The following SREBF2 variants were observed in gnomAD, a reference collection of about 807,000 sequenced individuals.
The protein encoded by SREBF2 is sterol regulatory element binding transcription factor 2.
A neutral mutation model predicts 113.1 loss-of-function variants in SREBF2; 55 were observed. The ratio of observed to expected loss-of-function variants is 0.49; its 90% confidence interval spans 0.39 to 0.61. SREBF2 has a LOEUF of 0.61. Ranked by LOEUF, SREBF2 falls within the 20% of genes least tolerant of loss-of-function variation. SREBF2 has a pLI of 0.00. For missense variants in SREBF2, 1,349 were observed against 1,487.4 expected (o/e 0.91, Z 1.53); for synonymous variants, 593 against 605.7 (o/e 0.98, Z 0.31).
rs761890256 is a variant in SREBF2 at position 41,898,733 on chromosome 22, C to T, written c.2690C>T (p.Ser897Phe). The change falls in exon 15 of 19, where the codon TCT becomes TTT. Residue 897 changes from serine to phenylalanine, a missense_variant. By Grantham distance (155) the Ser-to-Phe change is radical. This residue lies in a region of SREBF2 where 650 missense variants were observed against 644.1 expected (regional missense o/e 1.01). Transcript: ENST00000361204. ...WLQGDDAAVR[S>F]HFTKVERIPK... ...CAGGGAGACGATGCAGCTGTGCGCTCTCATTTTACCAAAGTGGAACGCATC... is the reference window on the plus strand; with the variant it reads ...CAGGGAGACGATGCAGCTGTGCGCTTTCATTTTACCAAAGTGGAACGCATC... 59 of 1,614,012 alleles carry T rather than the reference C, an allele frequency of 3.7e-5. 2 individuals are homozygous for T. The South Asian group carries it at 6.1e-4, about 17-fold the overall frequency.
At chr22:41,900,000 T>C (rs762124857) in intron 15 of SREBF2, 1 of 1,256,578 alleles carries the variant, frequency 8.0e-7, no homozygotes, top group Non-Finnish European at 1.0e-6. Context: ...GTACAACACC[T>C]TATTGTGGCC....
intron 1 of SREBF2, among the ~76,000 whole-genome samples, chr22:41,837,125 G>A (rs1026188158): frequency 6.6e-5 from 10 of 152,188 alleles, no homozygotes; most frequent in Admixed American, 6.5e-4. Context: ...GGCACTGTGA[G>A]CAAAATAAAA....
At chr22:41,867,782 A>G (rs576939826) in intron 2 of SREBF2, among the ~76,000 whole-genome samples, 14 of 151,886 alleles carry the variant, frequency 9.2e-5, no homozygotes, top group Non-Finnish European at 1.6e-4. Context: ...ACTCCAGCCT[A>G]GGCAACAGAG....
At chr22:41,878,150 T>A in intron 9 of SREBF2, 27 bp downstream of exon 9, 7 of 1,612,562 alleles carry the variant, frequency 4.3e-6, no homozygotes, top group Non-Finnish European at 5.9e-6. Context: ...CCCTTCCCCA[T>A]CCTCCCCCAG....
chr22:41,840,431 G>A lies in SREBF2; in HGVS notation c.88+7073G>A, dbSNP rs897787176. 1.0e-4 allele frequency among the ~76,000 whole-genome samples: 15 copies of A among 144,490 alleles called. No individual in the cohort carries two copies. The Admixed American group carries it at 1.1e-3, about 11-fold the overall frequency. The allele number at this position is 144,490 out of a possible 152,430, so 94.8% of individuals were successfully genotyped here. On this transcript the variant is annotated intron_variant, in intron 1 of 18. Transcript: ENST00000361204. ...CCTAACCATCACCCTTGGGGGCAAT[G>A]TTGAAGCTCTTCTTTCCCAGTTCTT... is the stretch of plus-strand genomic sequence containing the variant.
chr22:41,878,588 A>C (rs1358582948), intron 9 of SREBF2: 3 of 1,061,118 alleles, frequency 2.8e-6, no homozygotes, highest in Non-Finnish European at 3.9e-6. Context: ...CTTTATTCCC[A>C]ATTCTCTATA....
chr22:41,901,459 G>A (rs148975499), intron 16 of SREBF2, among the ~76,000 whole-genome samples: 4,353 of 152,252 alleles, frequency 0.029, 191 homozygotes, highest in African/African-American at 0.099. Flanking sequence ...TCAGGAGTTC[G>A]AGACCAGCCT....
At chr22:41,861,348 G>A (rs1253143831) in intron 1 of SREBF2, among the ~76,000 whole-genome samples, 1 of 152,110 alleles carries the variant, frequency 6.6e-6, no homozygotes, top group Non-Finnish European at 1.5e-5. Flanking sequence ...TGGGCATGGT[G>A]GCACGCACCT....
intron 11 of SREBF2, among the ~76,000 whole-genome samples, chr22:41,889,118 C>T (rs2148406380): frequency 6.6e-6 from 1 of 152,236 alleles, no homozygotes; most frequent in South Asian, 2.1e-4. Context: ...AAAAGAAATA[C>T]CTAACGGTTC....
chr22:41,880,088 G>A (rs993004728), intron 9 of SREBF2, among the ~76,000 whole-genome samples: 3 of 152,178 alleles, frequency 2.0e-5, no homozygotes, highest in African/African-American at 7.2e-5. Flanking sequence ...CTAGAGGGCT[G>A]CAATACCAGA....
In SREBF2 at chr22:41,870,822, T is replaced by G. The variant is rs966642841; in HGVS notation, c.721-67T>G. ...ATTCTTTCTTGGAAGGTCTATGCAG[T>G]AAGAAAGGAATGCATAACAGAAGGA... On this transcript the variant is annotated intron_variant, in intron 3 of 18. Coordinates refer to ENST00000361204, the MANE Select transcript of SREBF2 (RefSeq NM_004599.4). The G allele has an allele frequency of 5.7e-6, 9 of 1,581,644 alleles. No homozygotes were observed. The African/African-American group carries it at 1.2e-4, about 21-fold the overall frequency.
In SREBF2 at chr22:41,898,660, A is replaced by G. The variant is rs375253567; in HGVS notation, c.2617A>G (p.Ile873Val). ...VLKSALGPDI[I>V]CRWWTSAITV... ...CTGTTCTCCTCTAGGTCCAGACATCATCTGTCGGTGGTGGACGTCTGCAAT... is the reference window on the plus strand; with the variant it reads ...CTGTTCTCCTCTAGGTCCAGACATCGTCTGTCGGTGGTGGACGTCTGCAAT... Residue 873 changes from isoleucine (I) to valine (V), a missense_variant, in exon 15 of 19, where the codon ATC (isoleucine) becomes GTC (valine). Physicochemically the swap from Ile to Val is conservative, Grantham distance 29. Transcript: ENST00000361204. The G allele has an allele frequency of 1.9e-4, 312 of 1,613,220 alleles. No individual in the cohort carries two copies. The highest frequency in any genetic ancestry group is 2.5e-4 in the Non-Finnish European group (296 of 1,179,772).
rs550133724 is a variant in SREBF2, at chr22:41,878,634, G to A, written c.1761+511G>A. On this transcript the variant is annotated intron_variant, in intron 9 of 18. Transcript: ENST00000361204. ...AGGTTTTTGAGCAGGAAAACTAGCT[G>A]AAAGTTTTCATTTGAAATCAACAGG... 3.2e-5 allele frequency: 41 copies of A among 1,291,562 alleles called. No homozygotes were observed. The South Asian group carries it at 5.1e-4, about 16-fold the overall frequency. 80.0% of individuals were successfully genotyped at this position (1,291,562 alleles called of 1,614,324 possible).
In SREBF2 at chr22:41,837,555, C is replaced by CT. The variant is rs1299341570; in HGVS notation, c.88+4198dup. On this transcript the variant is annotated intron_variant, in intron 1 of 18. Coordinates refer to ENST00000361204, the MANE Select transcript of SREBF2 (RefSeq NM_004599.4). The stretch of plus-strand genomic sequence containing the variant: ...CCTAGGCAACAGAATGAGACTCTGT[C>CT]TAAAAAAAAAAAAAAAAAAAATGCT... Among the ~76,000 whole-genome samples, 84 of 98,378 alleles carry CT rather than the reference C, an allele frequency of 8.5e-4. 2 individuals carry two copies. The highest frequency in any genetic ancestry group is 3.6e-3 in the African/African-American group (79 of 21,806). The allele number at this position is 98,378 out of a possible 152,430, so 64.5% of individuals were successfully genotyped here.
chr22:41,868,801 C>G lies in SREBF2; in HGVS notation c.720+9C>G, dbSNP rs1437741989. On this transcript the variant is annotated intron_variant, in intron 3 of 18. Transcript: ENST00000361204. ...AGGTGCAGCAGGTCCCGGTAAGTGG[C>G]TGGAAAGGATTCAGGGAGGCACTGG... 6.2e-7 allele frequency: 1 copy of G among 1,602,402 alleles called. No homozygotes were observed. The highest frequency in any genetic ancestry group is 2.3e-5 in the East Asian group (1 of 44,072).
At chr22:41,889,136 C>T (rs1244903483) in intron 11 of SREBF2, among the ~76,000 whole-genome samples, 1 of 152,194 alleles carries the variant, frequency 6.6e-6, no homozygotes, top group South Asian at 2.1e-4. Context: ...TTCTGGTTTT[C>T]GTTTTTTGAA....
At chr22:41,842,517 A>G (rs1005977873) in intron 1 of SREBF2, among the ~76,000 whole-genome samples, 2 of 152,222 alleles carry the variant, frequency 1.3e-5, no homozygotes, top group African/African-American at 4.8e-5. Flanking sequence ...TTTGATGGAC[A>G]TCTGAAGGTA....
intron 1 of SREBF2, among the ~76,000 whole-genome samples, chr22:41,861,897 C>T (rs1463558050): frequency 6.7e-6 from 1 of 149,242 alleles, no homozygotes; most frequent in Non-Finnish European, 1.5e-5. Flanking sequence ...CACGCCTGGG[C>T]AACAGAGCGA....
At chr22:41,900,528 G>A (rs755994723) in intron 16 of SREBF2, 30 bp downstream of exon 16, 1 of 1,608,564 alleles carries the variant, frequency 6.2e-7, no homozygotes, top group Non-Finnish European at 8.5e-7. Context: ...GCCCCTGGGG[G>A]AGGTGCTCTG....
Sources: allele counts gnomAD v4.1 joint callset (sites outside exome capture counted in the v4.1 genomes callset), GRCh38; gene constraint gnomAD v4.1.1; regional missense constraint gnomAD v4.1.1; transcripts MANE v1.5; gene names NCBI Gene and HGNC (gene_info 2026-07-23, HGNC 2026-07-21).